TBC1D1: variants seen among roughly 807,000 people sequenced by gnomAD.
TBC1D1 encodes TBC1 domain family member 1, also known as TBC1 (tre-2/USP6, BUB2, cdc16) domain family, member 1.
In TBC1D1, 89 loss-of-function variants were observed where a neutral mutation model predicts 125.6. The ratio of observed to expected loss-of-function variants is 0.71; its 90% CI spans 0.60 to 0.85. The LOEUF is 0.85. Ranked by LOEUF, TBC1D1 falls within the 40% of genes least tolerant of loss-of-function variation. The pLI is 0.00. For missense variants in TBC1D1, 1,377 were observed against 1,469.2 expected, an observed-to-expected ratio of 0.94 and a Z score of 1.03; for synonymous variants, 565 against 564.1, an observed-to-expected ratio of 1.00 and a Z score of -0.02.
chr4:38,064,145 T>C (rs551955252), intron 12 of TBC1D1, among the ~76,000 whole-genome samples: 90 of 152,376 alleles, frequency 5.9e-4, no homozygotes, highest in Non-Finnish European at 1.1e-3. Context: ...ATTCATTATG[T>C]CATAATACAT....
chr4:38,108,060 G>A (rs541287544), intron 15 of TBC1D1, among the ~76,000 whole-genome samples: 1 of 152,260 alleles, frequency 6.6e-6, no homozygotes, highest in African/African-American at 2.4e-5. Context: ...CCACCCATCT[G>A]CATCCATTTG....
intron 12 of TBC1D1, among the ~76,000 whole-genome samples, chr4:38,054,658 G>GGA: frequency 6.6e-6 from 1 of 152,208 alleles, no homozygotes; most frequent in East Asian, 1.9e-4. Context: ...TAAGGCAAAA[G>GGA]GAGAGACTGA....
At chr4:37,909,463 T>C (rs911460284) in intron 2 of TBC1D1, among the ~76,000 whole-genome samples, 1 of 152,212 alleles carries the variant, frequency 6.6e-6, no homozygotes, top group Non-Finnish European at 1.5e-5. Flanking sequence ...GCACCATTAC[T>C]TCAGGATTTT....
chr4:37,892,255 A>C (rs1239939718), intron 1 of TBC1D1, among the ~76,000 whole-genome samples: 3 of 152,168 alleles, frequency 2.0e-5, no homozygotes, highest in Non-Finnish European at 4.4e-5. Flanking sequence ...TCAAACTTCT[A>C]AACTTTTTCA....
At chr4:38,041,240 C>A (rs1487856045) in intron 8 of TBC1D1, among the ~76,000 whole-genome samples, 1 of 152,072 alleles carries the variant, frequency 6.6e-6, no homozygotes, top group Non-Finnish European at 1.5e-5. Flanking sequence ...TAAAATAATA[C>A]CTAACAGCAG....
chr4:37,996,492 T>G, intron 2 of TBC1D1, among the ~76,000 whole-genome samples: 1 of 152,144 alleles, frequency 6.6e-6, no homozygotes, highest in East Asian at 1.9e-4. Flanking sequence ...ACTTGGTGAG[T>G]GTAGTTGATT....
At chr4:38,111,606 T>A (rs188961663) in intron 15 of TBC1D1, among the ~76,000 whole-genome samples, 56 of 152,374 alleles carry the variant, frequency 3.7e-4, no homozygotes, top group Admixed American at 3.5e-3. Flanking sequence ...TTTTATTTGC[T>A]TCATTCATTC....
intron 2 of TBC1D1, among the ~76,000 whole-genome samples, chr4:37,998,077 A>G (rs1738208979): frequency 6.6e-6 from 1 of 151,940 alleles, no homozygotes; most frequent in Non-Finnish European, 1.5e-5. Context: ...TTCAGTTACC[A>G]CTTCTTGCCA....
chr4:38,112,503 T>A (rs1164932337), intron 15 of TBC1D1, among the ~76,000 whole-genome samples: 1 of 152,218 alleles, frequency 6.6e-6, no homozygotes, highest in Admixed American at 6.5e-5. Context: ...CCATTTGCAT[T>A]AGGCATTGTA....
chr4:38,049,886 C>T lies in TBC1D1; in HGVS notation c.1898C>T (p.Pro633Leu). The change falls in exon 11 of 20, where the codon CCT becomes CTT. Residue 633 changes from proline (P) to leucine (L), a missense_variant. By Grantham distance (98) the Pro-to-Leu change is moderately conservative. This residue lies in a region of TBC1D1 where 822 missense variants were observed against 824.6 expected (regional missense o/e 1.00). Coordinates refer to ENST00000261439, the MANE Select transcript of TBC1D1 (RefSeq NM_015173.4). ...TATCACTCAGTGAGCACAGAGACGC[C>T]TCATGAACGAAAGTAAGATTTGTTT... The T allele has an allele frequency of 1.9e-6, 3 of 1,607,206 alleles. No individual in the cohort carries two copies. The highest frequency in any genetic ancestry group is 1.1e-5 in the South Asian group (1 of 90,382).
chr4:38,113,665 T>A (rs1463723875), intron 15 of TBC1D1, among the ~76,000 whole-genome samples: 2 of 152,162 alleles, frequency 1.3e-5, no homozygotes, highest in Non-Finnish European at 2.9e-5. Context: ...GAAGCTGAGC[T>A]GGCAAGGGTA....
At chr4:38,101,663 T>C (rs1578712435) in intron 14 of TBC1D1, among the ~76,000 whole-genome samples, 1 of 152,330 alleles carries the variant, frequency 6.6e-6, no homozygotes, top group East Asian at 1.9e-4. Flanking sequence ...GCAGCTTATC[T>C]TGCAGAAAGA....
chr4:37,944,934 G>T (rs1218985427), intron 2 of TBC1D1, among the ~76,000 whole-genome samples: 2 of 152,200 alleles, frequency 1.3e-5, no homozygotes, highest in Admixed American at 1.3e-4. Flanking sequence ...GTTCACGCCG[G>T]GAGCTGTAGA....
intron 12 of TBC1D1, among the ~76,000 whole-genome samples, chr4:38,062,075 G>T (rs1176252861): frequency 6.6e-6 from 1 of 152,146 alleles, no homozygotes; most frequent in Admixed American, 6.5e-5. Context: ...CTGTCAGTGA[G>T]TGTGGGGATG....
intron 18 of TBC1D1, among the ~76,000 whole-genome samples, chr4:38,126,395 G>A (rs367950162): frequency 6.6e-6 from 1 of 152,336 alleles, no homozygotes; most frequent in East Asian, 1.9e-4. Context: ...GATTTCTGTA[G>A]TCCAAAAGGA....
At chr4:37,934,852 G>A (rs13151094) in intron 2 of TBC1D1, among the ~76,000 whole-genome samples, 18,936 of 152,162 alleles carry the variant, frequency 0.12, 1,491 homozygotes, top group Admixed American at 0.21. Context: ...GCTTATAACA[G>A]CAAACATTTA....
At chr4:38,084,902 G>C (rs531876198) in intron 12 of TBC1D1, among the ~76,000 whole-genome samples, 2 of 152,136 alleles carry the variant, frequency 1.3e-5, no homozygotes, top group Admixed American at 6.5e-5. Context: ...ATTTAATGTC[G>C]TGTCTTTAAA....
chr4:38,063,383 G>T (rs1753111495), intron 12 of TBC1D1, among the ~76,000 whole-genome samples: 2 of 152,156 alleles, frequency 1.3e-5, no homozygotes, highest in Admixed American at 1.3e-4. Context: ...CCTGGTCCCT[G>T]GTCCTCTGTG....
chr4:38,117,566 G>T (rs1378750448), intron 16 of TBC1D1, among the ~76,000 whole-genome samples: 2 of 152,190 alleles, frequency 1.3e-5, no homozygotes, highest in Non-Finnish European at 1.5e-5. Context: ...AGTAATTTCA[G>T]GGGTCCAGAG....
Sources: gnomAD v4.1 joint callset for allele counts (sites outside exome capture counted in the v4.1 genomes callset) on GRCh38, gnomAD v4.1.1 for gene constraint, gnomAD v4.1.1 regional missense constraint, MANE v1.5 for transcripts, NCBI Gene and HGNC (gene_info 2026-07-23, HGNC 2026-07-21) for gene names.